Variants in CADPS2 observed in about 807,000 individuals in gnomAD.
CADPS2 encodes the protein calcium-dependent secretion activator 2.
CADPS2 carries 93 observed loss-of-function variants against 172.5 expected under a neutral mutation model. The observed-to-expected ratio is 0.54, with a 90% CI of 0.46 to 0.64. CADPS2 has a LOEUF of 0.64. CADPS2 is among the 30% of genes least tolerant of loss of function. The probability of loss-of-function intolerance (pLI) is 0.00; values close to 1 mark genes in which losing one functional copy is unlikely to be tolerated. For synonymous variants in CADPS2, 546 were observed against 555.2 expected (o/e 0.98, Z 0.23); for missense variants, 1,420 against 1,565.9 (o/e 0.91, Z 1.57).
At chr7:122,374,762 T>C (rs2042155918) in intron 25 of CADPS2, among the ~76,000 whole-genome samples, 2 of 152,120 alleles carry the variant, frequency 1.3e-5, no homozygotes, top group Non-Finnish European at 2.9e-5. Context: ...TTAGGAGAGA[T>C]ACCTAATGTA....
intron 2 of CADPS2, among the ~76,000 whole-genome samples, chr7:122,693,042 G>A (rs1367313483): frequency 2.6e-5 from 4 of 152,176 alleles, no homozygotes; most frequent in African/African-American, 7.2e-5. Context: ...GGAGTTATAC[G>A]CCTGCACTCT....
At chr7:122,697,120 G>T (rs2085238241) in intron 2 of CADPS2, among the ~76,000 whole-genome samples, 1 of 152,090 alleles carries the variant, frequency 6.6e-6, no homozygotes, top group African/African-American at 2.4e-5. Flanking sequence ...ATTATTGTAA[G>T]TAACACTGGA....
chr7:122,847,615 A>G (rs1405165634), intron 1 of CADPS2, among the ~76,000 whole-genome samples: 1 of 151,590 alleles, frequency 6.6e-6, no homozygotes, highest in Non-Finnish European at 1.5e-5. Flanking sequence ...TTTTCTTGTC[A>G]TCATTAACAA....
At chr7:122,700,595 G>T (rs748476567) in intron 2 of CADPS2, among the ~76,000 whole-genome samples, 8 of 152,054 alleles carry the variant, frequency 5.3e-5, no homozygotes, top group Non-Finnish European at 8.8e-5. Context: ...GTCTCTCATT[G>T]TTATATAGGT....
intron 2 of CADPS2, among the ~76,000 whole-genome samples, chr7:122,666,047 A>ACT (rs3034545): frequency 0.76 from 116,067 of 151,914 alleles, 44,418 homozygotes; most frequent in Non-Finnish European, 0.81. Flanking sequence ...TCATCTAATC[A>ACT]CTCATTGAGC....
intron 2 of CADPS2, among the ~76,000 whole-genome samples, chr7:122,703,704 A>G (rs375327403): frequency 1.3e-5 from 2 of 152,066 alleles, no homozygotes; most frequent in East Asian, 3.9e-4. Context: ...CAAAATGTTC[A>G]CTTTGGTTGC....
intron 17 of CADPS2, among the ~76,000 whole-genome samples, chr7:122,429,938 TTTTA>T (rs1481410258): frequency 3.3e-5 from 5 of 152,086 alleles, no homozygotes; most frequent in African/African-American, 4.8e-5. Flanking sequence ...GTAGAACAGA[TTTTA>T]TTTATTACTT....
rs148650605 is a variant in CADPS2, at chr7:122,667,086, T to TC, written c.454-3518dup. On this transcript the variant is annotated intron_variant, in intron 2 of 29. Transcript: ENST00000449022. ...ATTTGTTATTGTTTATATTAAGCGT[T>TC]CCCTGTTCAATTATTGTGTGTTCTC... Among the ~76,000 whole-genome samples the TC allele has an allele frequency of 7.1e-3, 1,075 of 152,314 alleles. 16 individuals carry two copies. Among genetic ancestry groups the TC allele is most frequent in the East Asian group, 0.035 (182 of 5,180 alleles).
chr7:122,689,722 G>A (rs556747631), intron 2 of CADPS2, among the ~76,000 whole-genome samples: 1 of 152,314 alleles, frequency 6.6e-6, no homozygotes, highest in African/African-American at 2.4e-5. Context: ...CCCAGCCTTG[G>A]TAAGGCCGCT....
intron 1 of CADPS2, among the ~76,000 whole-genome samples, chr7:122,820,542 G>GTTTTTTTTTTT (rs1286462243): frequency 5.1e-5 from 6 of 117,798 alleles, no homozygotes; most frequent in African/African-American, 2.2e-4. Context: ...TGACCTTACT[G>GTTTTTTTTTTT]TTTTTTGTTT....
intron 20 of CADPS2, among the ~76,000 whole-genome samples, chr7:122,403,603 T>C (rs1431625757): frequency 2.6e-5 from 4 of 152,172 alleles, no homozygotes; most frequent in East Asian, 1.9e-4. Context: ...GTAAACATGA[T>C]TGAAAATTAC....
chr7:122,470,303 C>G (rs1211402182), intron 14 of CADPS2, among the ~76,000 whole-genome samples: 1 of 151,088 alleles, frequency 6.6e-6, no homozygotes, highest in Non-Finnish European at 1.5e-5. Flanking sequence ...TTAAGGGGCA[C>G]TATGGGAAGA....
chr7:122,542,980 A>T (rs531026015), intron 8 of CADPS2, among the ~76,000 whole-genome samples: 3 of 152,124 alleles, frequency 2.0e-5, no homozygotes, highest in Non-Finnish European at 4.4e-5. Flanking sequence ...AGGGTGACCA[A>T]TGAAAATTCC....
intron 1 of CADPS2, among the ~76,000 whole-genome samples, chr7:122,885,434 G>A (rs1456272357): frequency 1.3e-5 from 2 of 151,686 alleles, no homozygotes; most frequent in Non-Finnish European, 2.9e-5. Flanking sequence ...CTCGGTGTTT[G>A]GATTTGATGT....
chr7:122,737,288 G>C (rs576543931), intron 1 of CADPS2, among the ~76,000 whole-genome samples: 1 of 152,050 alleles, frequency 6.6e-6, no homozygotes, highest in South Asian at 2.1e-4. Flanking sequence ...GCAGTGGTGC[G>C]ATCTCGGCTC....
intron 9 of CADPS2, among the ~76,000 whole-genome samples, chr7:122,506,959 G>A (rs2059655557): frequency 6.6e-6 from 1 of 152,020 alleles, no homozygotes; most frequent in South Asian, 2.1e-4. Flanking sequence ...CAAATACTTA[G>A]TTTCTACTCA....
At chr7:122,343,408 T>C (rs1460029078) in intron 28 of CADPS2, among the ~76,000 whole-genome samples, 2 of 152,184 alleles carry the variant, frequency 1.3e-5, no homozygotes, top group East Asian at 3.9e-4. Context: ...TAAACTAGTG[T>C]TATATTTTAA....
chr7:122,760,237 T>TA (rs945507227), intron 1 of CADPS2, among the ~76,000 whole-genome samples: 47 of 151,960 alleles, frequency 3.1e-4, no homozygotes, highest in African/African-American at 1.0e-3. Flanking sequence ...CAGCTTCAGG[T>TA]AAAAAAAGAT....
At chr7:122,846,001 T>C (rs1811892343) in intron 1 of CADPS2, among the ~76,000 whole-genome samples, 1 of 152,236 alleles carries the variant, frequency 6.6e-6, no homozygotes, top group African/African-American at 2.4e-5. Context: ...AGCATCTATG[T>C]ATTCTAAAAA....
Sources: allele counts gnomAD v4.1 joint callset (sites outside exome capture counted in the v4.1 genomes callset), GRCh38; gene constraint gnomAD v4.1.1; transcripts MANE v1.5; gene names NCBI Gene and HGNC (gene_info 2026-07-23, HGNC 2026-07-21).